KCNN2: variants seen among roughly 807,000 people sequenced by gnomAD.
KCNN2 encodes the protein small conductance calcium-activated potassium channel protein 2.
In KCNN2, 24 loss-of-function variants were observed where a neutral mutation model predicts 55.5. The ratio of observed to expected loss-of-function variants is 0.43; its 90% CI spans 0.31 to 0.61. The LOEUF is 0.61. Among genes scored for constraint, KCNN2 ranks in the 20% least tolerant of loss-of-function variants. The pLI is 0.08. For missense variants in KCNN2, 754 were observed against 853.6 expected (o/e 0.88, Z 1.45); for synonymous variants, 431 against 336.1 (o/e 1.28, Z -3.09).
chr5:114,420,791 A>G (rs1026659980), intron 3 of KCNN2, among the ~76,000 whole-genome samples: 13 of 152,210 alleles, frequency 8.5e-5, no homozygotes, highest in African/African-American at 2.9e-4. Context: ...TTATGTTCAG[A>G]TGGTAGCTTT....
intron 3 of KCNN2, among the ~76,000 whole-genome samples, chr5:114,423,639 G>A (rs552957072): frequency 6.2e-4 from 95 of 152,144 alleles, no homozygotes; most frequent in Non-Finnish European, 1.1e-3. Flanking sequence ...TGGTTGTGGG[G>A]ACCATGAATA....
At chr5:114,366,304 GAT>G (rs1055516871) in intron 2 of KCNN2, among the ~76,000 whole-genome samples, 3 of 152,112 alleles carry the variant, frequency 2.0e-5, no homozygotes, top group African/African-American at 7.2e-5. Context: ...GTTATAGAAT[GAT>G]ATATGTTTTA....
intron 2 of KCNN2, among the ~76,000 whole-genome samples, chr5:114,237,026 A>G (rs926091596): frequency 6.6e-6 from 1 of 152,112 alleles, no homozygotes; most frequent in African/African-American, 2.4e-5. Context: ...TCTGTGGTGA[A>G]CAGTGCTGCT....
intron 2 of KCNN2, among the ~76,000 whole-genome samples, chr5:114,399,394 T>G (rs111845307): frequency 0.037 from 5,683 of 152,246 alleles, 337 homozygotes; most frequent in African/African-American, 0.13. Flanking sequence ...ATGTGATGAA[T>G]CATGTTTAAT....
chr5:114,257,048 T>C (rs1355651806), intron 2 of KCNN2, among the ~76,000 whole-genome samples: 1 of 150,086 alleles, frequency 6.7e-6, no homozygotes, highest in Non-Finnish European at 1.5e-5. Flanking sequence ...TATGGTGAGA[T>C]AGAGGTCCAC....
chr5:114,206,368 G>A (rs1315123446), intron 1 of KCNN2, among the ~76,000 whole-genome samples: 1 of 152,016 alleles, frequency 6.6e-6, no homozygotes, highest in Non-Finnish European at 1.5e-5. Context: ...TGCTAGTTAA[G>A]ACGCACCTAA....
intron 1 of KCNN2, among the ~76,000 whole-genome samples, chr5:114,094,717 A>G (rs72797627): frequency 0.019 from 2,858 of 152,166 alleles, 37 homozygotes; most frequent in Non-Finnish European, 0.028. Context: ...GTTTATAAAA[A>G]CCTATTTTGA....
Position 114,147,198 on chromosome 5 carries a change from C to T in KCNN2, c.-270-74282C>T, listed in dbSNP as rs565499775. Among the ~76,000 whole-genome samples, 7 of 152,136 alleles carry T rather than the reference C, an allele frequency of 4.6e-5. No homozygotes were observed. In the South Asian group the frequency reaches 8.3e-4, roughly 18 times the overall value. ...AACACCTGCCTCTAGTGGTGATGAACGAGTAAGTTTTGGTAGAATCCAGGA... is the reference window on the plus strand; with the variant it reads ...AACACCTGCCTCTAGTGGTGATGAATGAGTAAGTTTTGGTAGAATCCAGGA... On this transcript the variant is annotated intron_variant, in intron 1 of 10. Coordinates refer to the KCNN2 transcript ENST00000512097.
chr5:114,101,765 C>T (rs1231649313), intron 1 of KCNN2, among the ~76,000 whole-genome samples: 1 of 152,060 alleles, frequency 6.6e-6, no homozygotes, highest in Non-Finnish European at 1.5e-5. Flanking sequence ...AACATGAACT[C>T]ATCCTTTTTA....
intron 1 of KCNN2, among the ~76,000 whole-genome samples, chr5:114,139,999 A>G (rs2112503323): frequency 6.6e-6 from 1 of 152,244 alleles, no homozygotes; most frequent in East Asian, 1.9e-4. Flanking sequence ...GATTTGCAAA[A>G]TATGTGAAAC....
intron 2 of KCNN2, among the ~76,000 whole-genome samples, chr5:114,331,020 C>T (rs564165086): frequency 6.6e-6 from 1 of 152,326 alleles, no homozygotes; most frequent in South Asian, 2.1e-4. Context: ...CTCCTTGCTA[C>T]ATTTTCAGAT....
At chr5:114,219,904 C>G (rs1210339353) in intron 1 of KCNN2, among the ~76,000 whole-genome samples, 1 of 152,168 alleles carries the variant, frequency 6.6e-6, no homozygotes, top group Non-Finnish European at 1.5e-5. Context: ...TGTTAAGCAT[C>G]AGCATACTTT....
chr5:114,264,216 A>G (rs1450995177), intron 2 of KCNN2, among the ~76,000 whole-genome samples: 1 of 152,082 alleles, frequency 6.6e-6, no homozygotes, highest in Non-Finnish European at 1.5e-5. Flanking sequence ...CTCTGTATGC[A>G]TGTTCTTCAT....
intron 2 of KCNN2, 75 bp from the exon 3 acceptor site, chr5:114,404,363 G>A: frequency 4.1e-6 from 5 of 1,219,076 alleles, no homozygotes; most frequent in Non-Finnish European, 5.8e-6. Context: ...TCTGTTGTGT[G>A]TTTTTAAAAT....
intron 1 of KCNN2, among the ~76,000 whole-genome samples, chr5:114,131,884 G>C (rs757929266): frequency 2.6e-5 from 4 of 152,176 alleles, no homozygotes; most frequent in Non-Finnish European, 5.9e-5. Context: ...GATCAGTGAA[G>C]CTGAACTTTT....
At chr5:114,340,516 A>G (rs937756847) in intron 2 of KCNN2, among the ~76,000 whole-genome samples, 5 of 152,212 alleles carry the variant, frequency 3.3e-5, no homozygotes, top group Admixed American at 2.0e-4. Flanking sequence ...ATCAACAGCC[A>G]GAATATAATC....
chr5:114,226,766 T>C (rs1754244445), intron 2 of KCNN2, among the ~76,000 whole-genome samples: 1 of 151,864 alleles, frequency 6.6e-6, no homozygotes, highest in East Asian at 1.9e-4. Flanking sequence ...CCGGGCATGG[T>C]GGCGGGCACC....
intron 2 of KCNN2, among the ~76,000 whole-genome samples, chr5:114,341,787 T>C (rs1757020224): frequency 6.6e-6 from 1 of 152,238 alleles, no homozygotes; most frequent in Non-Finnish European, 1.5e-5. Context: ...TTTGGTTTTA[T>C]GGCCAAATTA....
intron 1 of KCNN2, among the ~76,000 whole-genome samples, chr5:114,121,989 A>G (rs562674878): frequency 6.6e-6 from 1 of 152,360 alleles, no homozygotes; most frequent in Admixed American, 6.5e-5. Flanking sequence ...TGAAGAGTAA[A>G]TTTAACACAA....
Sources: allele counts gnomAD v4.1 joint callset (sites outside exome capture counted in the v4.1 genomes callset), GRCh38; gene constraint gnomAD v4.1.1; transcripts MANE v1.5; gene names NCBI Gene and HGNC (gene_info 2026-07-23, HGNC 2026-07-21).